Variants in MECOM observed in about 807,000 individuals in gnomAD.
MECOM encodes MDS1 and EVI1 complex locus.
MECOM carries 13 observed loss-of-function variants against 116.3 expected under a neutral mutation model. The ratio of observed to expected loss-of-function variants is 0.11; its 90% CI spans 0.07 to 0.18. The LOEUF (loss-of-function observed/expected upper bound fraction) is 0.18. Among genes scored for constraint, MECOM ranks in the 10% least tolerant of loss-of-function variants. The pLI, the probability that MECOM is intolerant of heterozygous loss-of-function variation, is 1.00. For missense variants in MECOM, 1,299 were observed against 1,509.0 expected (o/e 0.86, Z 2.31); for synonymous variants, 528 against 535.2 (o/e 0.99, Z 0.19).
chr3:169,150,729 C>G (rs1311165058), intron 2 of MECOM, among the ~76,000 whole-genome samples: 2 of 152,020 alleles, frequency 1.3e-5, no homozygotes, highest in Non-Finnish European at 2.9e-5. Context: ...TTTTTTCTTT[C>G]TTGATCTGTT....
At chr3:169,522,829 A>T (rs1757510185) in intron 1 of MECOM, among the ~76,000 whole-genome samples, 1 of 152,206 alleles carries the variant, frequency 6.6e-6, no homozygotes, top group Admixed American at 6.5e-5. Flanking sequence ...TTTTATAAGT[A>T]GTGCTCTGAA....
chr3:169,344,611 G>A (rs1163075269), intron 2 of MECOM, among the ~76,000 whole-genome samples: 1 of 152,096 alleles, frequency 6.6e-6, no homozygotes, highest in Non-Finnish European at 1.5e-5. Flanking sequence ...GGTTAAACAG[G>A]ATGATCTCTC....
chr3:169,193,296 A>T (rs1747960403), intron 2 of MECOM, among the ~76,000 whole-genome samples: 1 of 151,978 alleles, frequency 6.6e-6, no homozygotes, highest in South Asian at 2.1e-4. Flanking sequence ...AGCTTCTAAC[A>T]TCCAAGAGTA....
intron 2 of MECOM, among the ~76,000 whole-genome samples, chr3:169,153,200 T>C (rs1347033113): frequency 6.6e-6 from 1 of 152,094 alleles, no homozygotes; most frequent in Non-Finnish European, 1.5e-5. Flanking sequence ...ATAGAGACAA[T>C]AGAGAAATAT....
At chr3:169,334,471 G>C (rs1275039071) in intron 2 of MECOM, among the ~76,000 whole-genome samples, 3 of 152,120 alleles carry the variant, frequency 2.0e-5, no homozygotes, top group African/African-American at 7.2e-5. Flanking sequence ...ATTTTAATTT[G>C]ATTGTTCAGG....
At chr3:169,612,940 G>T (rs929129598) in intron 1 of MECOM, among the ~76,000 whole-genome samples, 1 of 152,172 alleles carries the variant, frequency 6.6e-6, no homozygotes, top group Non-Finnish European at 1.5e-5. Flanking sequence ...CAAGGTAAGA[G>T]AAGAGAAGTT....
In MECOM at chr3:169,230,920, A is replaced by G. The variant is rs114156344; in HGVS notation, c.376-87088T>C. Among the ~76,000 whole-genome samples, 381 of 152,304 alleles carry G rather than the reference A, an allele frequency of 2.5e-3. 1 individual carries two copies. The highest frequency in any genetic ancestry group is 6.8e-3 in the Middle Eastern group (2 of 294). ...TCATAACTTTGTTATTATCAAAATA[A>G]CAACACAAATAGAAAATATATTGTC... On this transcript the variant is annotated intron_variant, in intron 2 of 16. Coordinates refer to ENST00000651503, the MANE Select transcript of MECOM (RefSeq NM_004991.4).
chr3:169,425,021 A>G (rs1415548092), intron 1 of MECOM, among the ~76,000 whole-genome samples: 1 of 152,132 alleles, frequency 6.6e-6, no homozygotes, highest in Non-Finnish European at 1.5e-5. Context: ...TAACTACAAT[A>G]AGAAAAGCCA....
intron 1 of MECOM, among the ~76,000 whole-genome samples, chr3:169,432,962 G>A (rs1741887604): frequency 6.6e-6 from 1 of 152,122 alleles, no homozygotes; most frequent in Non-Finnish European, 1.5e-5. Flanking sequence ...TGGGCAAAAA[G>A]CTCATATTTG....
Position 169,084,163 on chromosome 3 carries a change from TG to T in MECOM, c.*745del, listed in dbSNP as rs1716965075. 4.3e-6 allele frequency: 1 copy of T among 231,996 alleles called. No individual in the cohort carries two copies. The highest frequency in any genetic ancestry group is 5.6e-5 in the Admixed American group (1 of 17,736). 14.4% of individuals were successfully genotyped at this position (231,996 alleles called of 1,614,324 possible). A position where few individuals can be genotyped will look rare whatever the true frequency, so the allele number is the denominator to read the frequency against. On this transcript the variant is annotated 3_prime_UTR_variant, in exon 17 of 17. Coordinates refer to ENST00000651503, the MANE Select transcript of MECOM (RefSeq NM_004991.4). ...ACAAAAAAATAAACATTAAAAACAGTGACATGATTGTCTAAAATTAAGATGT... is the reference window on the plus strand; with the variant it reads ...ACAAAAAAATAAACATTAAAAACAGTACATGATTGTCTAAAATTAAGATGT...
intron 2 of MECOM, among the ~76,000 whole-genome samples, chr3:169,276,544 C>T (rs1402943498): frequency 7.2e-6 from 1 of 137,944 alleles, no homozygotes; most frequent in Non-Finnish European, 1.5e-5. Context: ...CAGACCCAGA[C>T]TCTGCCTCAA....
intron 1 of MECOM, among the ~76,000 whole-genome samples, chr3:169,484,950 C>T (rs1353703992): frequency 6.6e-6 from 1 of 152,114 alleles, no homozygotes; most frequent in Non-Finnish European, 1.5e-5. Context: ...TCAAGTGCAC[C>T]TTTCCCGAAG....
chr3:169,348,022 G>A (rs1461900658), intron 2 of MECOM, among the ~76,000 whole-genome samples: 5 of 151,974 alleles, frequency 3.3e-5, no homozygotes, highest in South Asian at 4.1e-4. Flanking sequence ...GAAAATGGGC[G>A]ATTATTTCTC....
At chr3:169,172,339 C>T (rs1244155288) in intron 2 of MECOM, among the ~76,000 whole-genome samples, 1 of 151,546 alleles carries the variant, frequency 6.6e-6, no homozygotes, top group African/African-American at 2.4e-5. Context: ...TGACAAATGT[C>T]AATGTCTTTT....
intron 13 of MECOM, 115 bp from the exon 14 acceptor site, chr3:169,093,217 A>G: frequency 1.0e-6 from 1 of 1,003,568 alleles, no homozygotes; most frequent in Non-Finnish European, 1.4e-6. Context: ...TGCCCTATGA[A>G]TATTAATAAT....
intron 2 of MECOM, among the ~76,000 whole-genome samples, chr3:169,261,220 T>A (rs1183768188): frequency 6.6e-6 from 1 of 152,162 alleles, no homozygotes; most frequent in Non-Finnish European, 1.5e-5. Flanking sequence ...ATAAAAATAT[T>A]TTTTTCTTTA....
intron 2 of MECOM, among the ~76,000 whole-genome samples, chr3:169,369,551 T>C (rs911783270): frequency 1.1e-4 from 17 of 151,786 alleles, no homozygotes; most frequent in African/African-American, 4.1e-4. Flanking sequence ...GGTCTCACTA[T>C]GTTGCCCAGG....
intron 1 of MECOM, among the ~76,000 whole-genome samples, chr3:169,614,469 T>C (rs1333921135): frequency 1.3e-5 from 2 of 152,162 alleles, no homozygotes; most frequent in African/African-American, 2.4e-5. Flanking sequence ...GACTTCAAAA[T>C]AGTTAAACAA....
rs1725919760 is a variant in MECOM, at chr3:169,107,803, G to C, written c.2604+123C>G. On this transcript the variant is annotated intron_variant, in intron 10 of 16. Coordinates refer to ENST00000651503, the MANE Select transcript of MECOM (RefSeq NM_004991.4). Reference sequence around the variant, plus strand: ...GAGAAAGCAGGGAAACTATCTGCTGGAACCATATCACGTAATGGAAAGGGG... The same window carrying C: ...GAGAAAGCAGGGAAACTATCTGCTGCAACCATATCACGTAATGGAAAGGGG... 5.5e-6 allele frequency: 4 copies of C among 731,768 alleles called. No individual in the cohort carries two copies. In the East Asian group the frequency reaches 8.1e-5, roughly 15 times the overall value. 45.3% of individuals were successfully genotyped at this position (731,768 alleles called of 1,614,324 possible).
Sources: allele counts gnomAD v4.1 joint callset (sites outside exome capture counted in the v4.1 genomes callset), GRCh38; gene constraint gnomAD v4.1.1; transcripts MANE v1.5; gene names NCBI Gene and HGNC (gene_info 2026-07-23, HGNC 2026-07-21).